Variants in SLC35F4 observed in about 807,000 individuals in gnomAD.
SLC35F4 encodes solute carrier family 35 member F4.
Under a neutral mutation model 44.2 loss-of-function variants are expected in SLC35F4, and 24 were observed. The observed-to-expected ratio is 0.54, with a 90% CI of 0.39 to 0.76. The LOEUF (loss-of-function observed/expected upper bound fraction) is 0.76, where lower values mean the gene tolerates loss of function less well. Ranked by LOEUF, SLC35F4 falls within the 30% of genes least tolerant of loss-of-function variation. SLC35F4 has a pLI of 0.00. For synonymous variants in SLC35F4, 238 were observed against 223.6 expected, an observed-to-expected ratio of 1.06 and a Z score of -0.57; for missense variants, 562 against 586.1, an observed-to-expected ratio of 0.96 and a Z score of 0.42.
chr14:57,875,069 A>G (rs1023471553), intron 1 of SLC35F4, among the ~76,000 whole-genome samples: 2 of 152,222 alleles, frequency 1.3e-5, no homozygotes, highest in Non-Finnish European at 2.9e-5. Flanking sequence ...TATGGAATTG[A>G]CATTGTCAAC....
At chr14:57,812,337 C>T (rs1006646392) in intron 1 of SLC35F4, among the ~76,000 whole-genome samples, 1 of 152,188 alleles carries the variant, frequency 6.6e-6, no homozygotes, top group Admixed American at 6.5e-5. Context: ...ACTCGGTATC[C>T]ACCAAGATAT....
intron 1 of SLC35F4, among the ~76,000 whole-genome samples, chr14:57,835,004 GGGTAACAGA>G (rs1238267138): frequency 6.6e-6 from 1 of 152,170 alleles, no homozygotes; most frequent in East Asian, 1.9e-4. Flanking sequence ...ACTCCAGCCT[GGGTAACAGA>G]GGGAGACTCT....
At chr14:57,637,500 T>G (rs968525304) in intron 1 of SLC35F4, among the ~76,000 whole-genome samples, 17 of 152,094 alleles carry the variant, frequency 1.1e-4, no homozygotes, top group African/African-American at 4.1e-4. Flanking sequence ...TCTGCAGTCT[T>G]ACACGTTTTA....
At chr14:57,782,208 G>A (rs912534363) in intron 1 of SLC35F4, among the ~76,000 whole-genome samples, 3 of 152,044 alleles carry the variant, frequency 2.0e-5, no homozygotes, top group Admixed American at 1.3e-4. Context: ...ATTTATATGA[G>A]TCAGTTACAT....
At chr14:57,905,293 A>G (rs1181759072) in intron 1 of SLC35F4, among the ~76,000 whole-genome samples, 1 of 152,204 alleles carries the variant, frequency 6.6e-6, no homozygotes. Context: ...CTGGTTTTCC[A>G]CATGGAATGA....
chr14:57,846,648 G>T (rs1886048256), intron 1 of SLC35F4, among the ~76,000 whole-genome samples: 1 of 152,156 alleles, frequency 6.6e-6, no homozygotes, highest in Non-Finnish European at 1.5e-5. Flanking sequence ...GAGATCACAT[G>T]CCAAGACTTT....
At chr14:57,646,706 G>A (rs902813721) in intron 1 of SLC35F4, among the ~76,000 whole-genome samples, 2 of 152,038 alleles carry the variant, frequency 1.3e-5, no homozygotes, top group African/African-American at 2.4e-5. Flanking sequence ...TCTTTTAATT[G>A]TGATGTTAGG....
chr14:57,649,147 C>T (rs139946217), intron 1 of SLC35F4, among the ~76,000 whole-genome samples: 3,363 of 152,314 alleles, frequency 0.022, 65 homozygotes, highest in South Asian at 0.074. Context: ...CTTCACATCA[C>T]AGCTTGTGTC....
chr14:57,966,829 G>A (rs1230597685), intron 1 of SLC35F4, among the ~76,000 whole-genome samples: 2 of 152,102 alleles, frequency 1.3e-5, no homozygotes, highest in East Asian at 3.9e-4. Flanking sequence ...GGCCAACATG[G>A]CGAAACCCCG....
rs561522603 is a variant in SLC35F4 at position 57,896,809 on chromosome 14, GC to G, written n.282+85103del. Among the ~76,000 whole-genome samples the G allele has an allele frequency of 4.9e-4, 75 of 152,226 alleles. 1 individual carries two copies. The highest frequency in any genetic ancestry group is 3.1e-3 in the Admixed American group (47 of 15,270). ...ATGTTTGTTTATGATTATTGTTATT[GC>G]CTAAAGAGGTTGACAAGAGAATTAA... On this transcript the variant is annotated intron_variant and non_coding_transcript_variant, in intron 1 of 1. Transcript: ENST00000556568.
chr14:57,757,136 A>T (rs570345627), intron 1 of SLC35F4, among the ~76,000 whole-genome samples: 3 of 152,174 alleles, frequency 2.0e-5, no homozygotes, highest in Non-Finnish European at 4.4e-5. Context: ...TCCCATTATC[A>T]TTATGAAGTG....
chr14:57,845,580 G>A (rs931214720), intron 1 of SLC35F4, among the ~76,000 whole-genome samples: 5 of 152,146 alleles, frequency 3.3e-5, no homozygotes, highest in African/African-American at 1.2e-4. Flanking sequence ...GCCTATTTGG[G>A]TATAATTTTC....
chr14:57,577,521 T>G lies in SLC35F4; in HGVS notation c.807+3693A>C, dbSNP rs2068875611. On this transcript the variant is annotated intron_variant, in intron 4 of 7. Transcript: ENST00000556826. ...ATATAAGAAAAATTTGAATGAATAG[T>G]ATAAAAAAATAAGAGAGGGACAAAA... Among the ~76,000 whole-genome samples, 3 of 151,980 alleles carry G rather than the reference T, an allele frequency of 2.0e-5. No individual in the cohort carries two copies. The South Asian group carries it at 6.2e-4, about 32-fold the overall frequency.
intron 1 of SLC35F4, among the ~76,000 whole-genome samples, chr14:57,695,341 C>G (rs1310838496): frequency 6.6e-6 from 1 of 151,394 alleles, no homozygotes; most frequent in African/African-American, 2.4e-5. Context: ...ACAAACAACC[C>G]CATCAAAAAG....
chr14:57,670,957 T>C (rs184173855), intron 1 of SLC35F4, among the ~76,000 whole-genome samples: 2 of 135,974 alleles, frequency 1.5e-5, no homozygotes, highest in East Asian at 4.3e-4. Context: ...CAGGCTGGAG[T>C]GCAGTGGCAT....
At chr14:57,950,158 A>G (rs1165519597) in intron 1 of SLC35F4, among the ~76,000 whole-genome samples, 1 of 152,052 alleles carries the variant, frequency 6.6e-6, no homozygotes, top group East Asian at 1.9e-4. Context: ...CCTCAGGAAC[A>G]CCAATTATTC....
intron 4 of SLC35F4, among the ~76,000 whole-genome samples, chr14:57,573,731 T>C (rs920464794): frequency 3.9e-5 from 6 of 152,324 alleles, no homozygotes; most frequent in African/African-American, 1.2e-4. Flanking sequence ...ACATTAGATA[T>C]TGGCATATCC....
chr14:57,845,541 G>C (rs1885942206), intron 1 of SLC35F4, among the ~76,000 whole-genome samples: 1 of 152,100 alleles, frequency 6.6e-6, no homozygotes, highest in Non-Finnish European at 1.5e-5. Context: ...GCTTACATTG[G>C]TTACAATCCC....
At chr14:57,810,227 C>T (rs538825337) in intron 1 of SLC35F4, among the ~76,000 whole-genome samples, 159 of 152,204 alleles carry the variant, frequency 1.0e-3, no homozygotes, top group Non-Finnish European at 1.9e-3. Flanking sequence ...AATTCTTGCT[C>T]CCCCCACTAC....
Sources: allele counts gnomAD v4.1 joint callset (sites outside exome capture counted in the v4.1 genomes callset), GRCh38; gene constraint gnomAD v4.1.1; transcripts MANE v1.5; gene names NCBI Gene and HGNC (gene_info 2026-07-23, HGNC 2026-07-21).